The following PHF6 variants were observed in gnomAD, a reference collection of about 807,000 sequenced individuals.
The protein encoded by PHF6 is PHD finger protein 6.
PHF6 carries 7 observed loss-of-function variants against 34.0 expected under a neutral mutation model. The observed-to-expected ratio is 0.21, with a 90% CI of 0.12 to 0.39. The LOEUF (loss-of-function observed/expected upper bound fraction) is 0.39, where lower values mean the gene tolerates loss of function less well. PHF6 is among the 10% of genes least tolerant of loss of function. The pLI, the probability that PHF6 is intolerant of heterozygous loss-of-function variation, is 1.00. For synonymous variants in PHF6, 89 were observed against 88.4 expected, an observed-to-expected ratio of 1.01 and a Z score of -0.04; for missense variants, 128 against 262.8, an observed-to-expected ratio of 0.49 and a Z score of 3.55.
chrX:134,375,575 A>G (rs2077275074), intron 1 of PHF6, among the ~76,000 whole-genome samples: 1 of 112,051 alleles, frequency 8.9e-6, no homozygotes, highest in Non-Finnish European at 1.9e-5. Flanking sequence ...ATTACACATT[A>G]AAGATGTCTG....
intron 5 of PHF6, among the ~76,000 whole-genome samples, chrX:134,405,815 T>A (rs1569341223): frequency 1.2e-5 from 1 of 86,080 alleles, no homozygotes; most frequent in Non-Finnish European, 2.2e-5. Context: ...TATATATATA[T>A]AATATCAAGT....
chrX:134,384,841 C>G (rs938070511), intron 3 of PHF6, among the ~76,000 whole-genome samples: 6 of 110,367 alleles, frequency 5.4e-5, no homozygotes, highest in Admixed American at 9.7e-5. Flanking sequence ...TTAGTAGAGA[C>G]GCGGTTTCAC....
intron 3 of PHF6, among the ~76,000 whole-genome samples, chrX:134,386,649 C>T (rs1029747384): frequency 7.2e-5 from 8 of 111,137 alleles, no homozygotes; most frequent in Non-Finnish European, 1.5e-4. Flanking sequence ...ATCTCCTGAC[C>T]TTGTGATCCA....
intron 5 of PHF6, among the ~76,000 whole-genome samples, chrX:134,401,166 C>T (rs1393953439): frequency 9.0e-6 from 1 of 111,517 alleles, no homozygotes; most frequent in East Asian, 2.8e-4. Context: ...AGTACACCAA[C>T]GCTCCTCCTA....
chrX:134,376,162 T>C (rs1042506844), intron 1 of PHF6, among the ~76,000 whole-genome samples: 5 of 111,955 alleles, frequency 4.5e-5, no homozygotes, highest in African/African-American at 1.6e-4. Context: ...TTTGATTAAG[T>C]ATCTGAATTT....
At chrX:134,420,362 A>G (rs1413295068) in intron 9 of PHF6, 1 of 109,638 alleles carries the variant, frequency 9.1e-6, no homozygotes, top group Non-Finnish European at 1.9e-5. Context: ...AATGATCAAT[A>G]TTTGTTATTC....
chrX:134,420,993 A>T (rs1485580135), intron 9 of PHF6, among the ~76,000 whole-genome samples: 2 of 111,937 alleles, frequency 1.8e-5, no homozygotes, highest in African/African-American at 6.5e-5. Context: ...CACCAAATGT[A>T]TAAATTTAGT....
intron 5 of PHF6, among the ~76,000 whole-genome samples, chrX:134,410,772 C>T (rs966166954): frequency 2.8e-5 from 3 of 107,470 alleles, no homozygotes; most frequent in African/African-American, 6.8e-5. Context: ...CTCAGCCTCC[C>T]TAGTAGCTGG....
At chrX:134,373,550 C>G (rs1178809395) in intron 1 of PHF6, 83 bp downstream of exon 1, 2 of 111,169 alleles carry the variant, frequency 1.8e-5, no homozygotes, top group African/African-American at 3.3e-5. Flanking sequence ...CAGGCCGCCG[C>G]CCCTGCCCGT....
At position 134,393,688 on chromosome X, in the gene PHF6, G is replaced by A; in HGVS notation, c.374+54G>A. ...TTTTTTAACAATAATACTTTCTTTG[G>A]GCTTTTGTAAAAATTTTTCCCATTT... On this transcript the variant is annotated intron_variant, in intron 4 of 10. Transcript: ENST00000370803. 4 of 1,101,054 alleles carry A rather than the reference G, an allele frequency of 3.6e-6. No homozygotes were observed. In the South Asian group the frequency reaches 8.0e-5, roughly 22 times the overall value. 90.7% of individuals were successfully genotyped at this position (1,101,054 alleles called of 1,213,427 possible). A position where few individuals can be genotyped will look rare whatever the true frequency, so the allele number is the denominator to read the frequency against.
chrX:134,417,579 G>A, intron 9 of PHF6: 1 of 243,184 alleles, frequency 4.1e-6, no homozygotes, highest in East Asian at 8.8e-5. Flanking sequence ...CATACACTGG[G>A]CCGGGTGCGG....
At chrX:134,422,342 A>G (rs1206164045) in intron 9 of PHF6, among the ~76,000 whole-genome samples, 1 of 112,222 alleles carries the variant, frequency 8.9e-6, no homozygotes, top group Admixed American at 9.5e-5. Context: ...ACCATATTTC[A>G]GTGACAAAAC....
At position 134,402,284 on chromosome X, in the gene PHF6, G is replaced by A. The variant is rs778598964; in HGVS notation, c.418+8332G>A. 3.6e-5 allele frequency among the ~76,000 whole-genome samples: 4 copies of A among 112,467 alleles called. No homozygotes were observed. In the South Asian group the frequency reaches 1.5e-3, roughly 41 times the overall value. ...GCTGGGATTACAGGCGTGAGCCACC[G>A]CACCTGGCCACAGTTTGCATTACTT... On this transcript the variant is annotated intron_variant, in intron 5 of 10. Coordinates refer to ENST00000370803, the MANE Select transcript of PHF6 (RefSeq NM_001015877.2).
intron 3 of PHF6, among the ~76,000 whole-genome samples, chrX:134,386,403 G>C (rs962692540): frequency 1.0e-5 from 1 of 96,379 alleles, no homozygotes; most frequent in Non-Finnish European, 2.0e-5. Flanking sequence ...TTTGAAAAAG[G>C]TTCCCAGATG....
chrX:134,379,822 C>T (rs1331745037), intron 3 of PHF6, among the ~76,000 whole-genome samples: 4 of 111,710 alleles, frequency 3.6e-5, no homozygotes, highest in Non-Finnish European at 5.6e-5. Flanking sequence ...TTCTGAGAAC[C>T]ATAGCACTAT....
intron 5 of PHF6, among the ~76,000 whole-genome samples, chrX:134,405,085 AT>A (rs2077417500): frequency 8.9e-6 from 1 of 111,889 alleles, no homozygotes; most frequent in Non-Finnish European, 1.9e-5. Flanking sequence ...ACCTGCTTTT[AT>A]CACCATCTTT....
intron 5 of PHF6, among the ~76,000 whole-genome samples, chrX:134,403,261 G>A (rs1435380846): frequency 3.6e-5 from 4 of 111,850 alleles, no homozygotes; most frequent in Non-Finnish European, 7.5e-5. Context: ...CTATTCCAGG[G>A]AACACACAAA....
At chrX:134,411,523 GTTTA>G (rs913130598) in intron 5 of PHF6, among the ~76,000 whole-genome samples, 1 of 109,690 alleles carries the variant, frequency 9.1e-6, no homozygotes, top group African/African-American at 3.3e-5. Flanking sequence ...CATCTTATTT[GTTTA>G]TTGTTATTTA....
At chrX:134,378,217 C>A in intron 3 of PHF6, 111 bp downstream of exon 3, 1 of 455,347 alleles carries the variant, frequency 2.2e-6, no homozygotes, top group Non-Finnish European at 3.5e-6. Context: ...TTTTAAATTG[C>A]AGGCTTTTCT....
Sources: gnomAD v4.1 joint callset for allele counts (sites outside exome capture counted in the v4.1 genomes callset) on GRCh38, gnomAD v4.1.1 for gene constraint, MANE v1.5 for transcripts, NCBI Gene and HGNC (gene_info 2026-07-23, HGNC 2026-07-21) for gene names.